The following HIP1R variants were observed in gnomAD, a reference collection of about 807,000 sequenced individuals.
HIP1R encodes the protein huntingtin interacting protein 1 related.
HIP1R carries 135 observed loss-of-function variants against 144.2 expected under a neutral mutation model. The observed-to-expected ratio is 0.94, with a 90% CI of 0.81 to 1.08. The LOEUF (loss-of-function observed/expected upper bound fraction) is 1.08, where lower values mean the gene tolerates loss of function less well. HIP1R is among the 50% of genes least tolerant of loss of function. The probability of loss-of-function intolerance (pLI) is 0.00; values close to 1 mark genes in which losing one functional copy is unlikely to be tolerated. For synonymous variants in HIP1R, 698 were observed against 612.8 expected, an observed-to-expected ratio of 1.14 and a Z score of -2.05; for missense variants, 1,462 against 1,432.8, an observed-to-expected ratio of 1.02 and a Z score of -0.33.
In HIP1R at chr12:122,855,879, T is replaced by A. The variant is rs1235394716; in HGVS notation, c.1104T>A (p.Ser368=). 1 of 1,557,916 alleles carries A rather than the reference T, an allele frequency of 6.4e-7. No homozygotes were observed. The highest frequency in any genetic ancestry group is 8.7e-7 in the Non-Finnish European group (1 of 1,149,834). Residue 368 remains serine, a synonymous_variant, in exon 13 of 32, where the codon TCT becomes TCA. Coordinates refer to ENST00000253083, the MANE Select transcript of HIP1R (RefSeq NM_003959.3). ...AGAGAGAGGTGGAAATGCTCCGCTC[T>A]GAACTGGAGAAGATCAAGCTGGAGG... ...SLKREVEMLR[S]ELEKIKLEAQ... is the part of the protein sequence containing the mutation.
At chr12:122,857,407 CT>C in intron 18 of HIP1R, 192 bp downstream of exon 18, 1 of 634,644 alleles carries the variant, frequency 1.6e-6, no homozygotes, top group Non-Finnish European at 2.8e-6. Flanking sequence ...GTGTCATTAC[CT>C]CATTCCTTTT....
chr12:122,847,902 C>T (rs1468109658), intron 1 of HIP1R, 129 bp from the exon 2 acceptor site: 6 of 728,112 alleles, frequency 8.2e-6, no homozygotes, highest in African/African-American at 5.3e-5. Flanking sequence ...GGATTCCTGT[C>T]TCCCCCATCG....
chr12:122,855,269 C>T lies in HIP1R; in HGVS notation c.857C>T (p.Pro286Leu). 1 of 1,612,810 alleles carries T rather than the reference C, an allele frequency of 6.2e-7. No individual in the cohort carries two copies. Among genetic ancestry groups the T allele is most frequent in the Non-Finnish European group, 8.5e-7 (1 of 1,179,914 alleles). Reference sequence around the variant, plus strand: ...TCCCACCTGCCGCCCCTGCAGGGACCCCCTAACTTCCTGCGGGCCTCAGCC... The same window carrying T: ...TCCCACCTGCCGCCCCTGCAGGGACTCCCTAACTTCCTGCGGGCCTCAGCC... ...LIQIPRLPEG[P>L]PNFLRASALA... Residue 286 changes from proline to leucine, a missense_variant, in exon 11 of 32, where the codon CCC becomes CTC. Physicochemically the swap from Pro to Leu is moderately conservative, Grantham distance 98. Coordinates refer to ENST00000253083, the MANE Select transcript of HIP1R (RefSeq NM_003959.3).
At position 122,861,728 on chromosome 12, in the gene HIP1R, A is replaced by G; in HGVS notation, c.3182A>G (p.Tyr1061Cys). The G allele has an allele frequency of 6.2e-7, 1 of 1,614,080 alleles. No homozygotes were observed. Among genetic ancestry groups the G allele is most frequent in the Non-Finnish European group, 8.5e-7 (1 of 1,180,010 alleles). The change falls in exon 32 of 32, where the codon TAC becomes TGC. Residue 1061 changes from tyrosine (Y) to cysteine (C), a missense_variant. Tyr to Cys is a radical substitution (Grantham distance 194). Around this residue, in one of 2 missense-constraint regions of HIP1R, gnomAD observed 1,112 missense variants for 1,011.7 expected, o/e 1.10. Coordinates refer to ENST00000253083, the MANE Select transcript of HIP1R (RefSeq NM_003959.3). ...CAGCTTGACAAAAAGGATGGCATCTACCCAGCTCAACTCGTGAACTACTAG... is the reference window on the plus strand; with the variant it reads ...CAGCTTGACAAAAAGGATGGCATCTGCCCAGCTCAACTCGTGAACTACTAG... ...DHQLDKKDGIYPAQLVNY is the reference protein window; with the variant it reads ...DHQLDKKDGICPAQLVNY
At position 122,856,673 on chromosome 12, in the gene HIP1R, G is replaced by A. The variant is rs530327463; in HGVS notation, c.1567G>A (p.Ala523Thr). 8.7e-6 allele frequency: 14 copies of A among 1,602,256 alleles called. No individual in the cohort carries two copies. Among genetic ancestry groups the A allele is most frequent in the East Asian group, 2.2e-5 (1 of 44,526 alleles). The change falls in exon 17 of 32, where the codon GCC becomes ACC. Residue 523 changes from alanine (A) to threonine (T), a missense_variant. By Grantham distance (58) the Ala-to-Thr change is moderately conservative (BLOSUM62 0). This residue lies in a region of HIP1R where 1,112 missense variants were observed against 1,011.7 expected (regional missense o/e 1.10). Coordinates refer to ENST00000253083, the MANE Select transcript of HIP1R (RefSeq NM_003959.3). ...GGAGAAGCTCAAGAGGGAGCTGGAG[G>A]CCAAGGCCGGAGAGCTGGCCCGCGC... is the stretch of plus-strand genomic sequence containing the variant. ...QLEKLKRELEAKAGELARAQE... is the reference protein window; with the variant it reads ...QLEKLKRELETKAGELARAQE...
At chr12:122,852,386 C>T (rs1027418354) in intron 7 of HIP1R, among the ~76,000 whole-genome samples, 2 of 152,216 alleles carry the variant, frequency 1.3e-5, no homozygotes, top group African/African-American at 2.4e-5. Flanking sequence ...CTACCAGGCT[C>T]TGTGTCCTGG....
In HIP1R at chr12:122,860,094, C is replaced by CG. The variant is rs566335645; in HGVS notation, c.2496+24dup. On this transcript the variant is annotated intron_variant, in intron 25 of 31. Coordinates refer to ENST00000253083, the MANE Select transcript of HIP1R (RefSeq NM_003959.3). ...CTGATGAAGGTGAGGGGCTGTGACC[C>CG]GGGGGGGTCTGCACCTGGAGGGCCA... 489 of 1,578,500 alleles carry CG rather than the reference C, an allele frequency of 3.1e-4. 1 individual carries two copies. The African/African-American group carries it at 5.6e-3, about 18-fold the overall frequency.
Position 122,855,387 on chromosome 12 carries a change from C to T in HIP1R, c.975C>T (p.Pro325=). Residue 325 remains proline (P), a synonymous_variant, in exon 11 of 32, where the codon CCC becomes CCT. Transcript: ENST00000253083. Reference sequence around the variant, plus strand: ...ATCTCATTGAGATCAGCACAGGGCCCCCCGCGGGGGAGCCAGTGGTGAGCC... The same window carrying T: ...ATCTCATTGAGATCAGCACAGGGCCTCCCGCGGGGGAGCCAGTGGTGAGCC... ...PENLIEISTG[P]PAGEPVVVAD... 1 of 1,575,794 alleles carries T rather than the reference C, an allele frequency of 6.3e-7. No homozygotes were observed. The highest frequency in any genetic ancestry group is 8.6e-7 in the Non-Finnish European group (1 of 1,162,142).
At position 122,855,626 on chromosome 12, in the gene HIP1R, G is replaced by A. The variant is rs376725350; in HGVS notation, c.1055+14G>A. On this transcript the variant is annotated intron_variant, in intron 12 of 31. Coordinates refer to ENST00000253083, the MANE Select transcript of HIP1R (RefSeq NM_003959.3). Reference sequence around the variant, plus strand: ...GAAGGACGACAGGTGAGGGCTGGAGGAGCCGACTGGGCTGGGGGTGGTTGG... The same window carrying A: ...GAAGGACGACAGGTGAGGGCTGGAGAAGCCGACTGGGCTGGGGGTGGTTGG... 316 of 1,549,944 alleles carry A rather than the reference G, an allele frequency of 2.0e-4. No homozygotes were observed. Among genetic ancestry groups the A allele is most frequent in the Non-Finnish European group, 2.6e-4 (302 of 1,146,894 alleles).
chr12:122,851,780 G>A (rs2033405977), intron 7 of HIP1R, among the ~76,000 whole-genome samples: 1 of 152,104 alleles, frequency 6.6e-6, no homozygotes, highest in Non-Finnish European at 1.5e-5. Flanking sequence ...TCCAAAGCAT[G>A]GCAGGCCCCA....
chr12:122,835,126 G>C (rs1268979365), upstream of HIP1R: 1 of 767,980 alleles, frequency 1.3e-6, no homozygotes, highest in Non-Finnish European at 1.9e-6. Context: ...TTAGGGAGGG[G>C]ATTAGAGGTG....
At position 122,856,435 on chromosome 12, in the gene HIP1R, G is replaced by A. The variant is rs1593884191; in HGVS notation, c.1405G>A (p.Ala469Thr). The A allele has an allele frequency of 9.4e-6, 15 of 1,595,446 alleles. No individual in the cohort carries two copies. Among genetic ancestry groups the A allele is most frequent in the Middle Eastern group, 1.7e-4 (1 of 6,058 alleles). Residue 469 changes from alanine (A) to threonine (T), a missense_variant, in exon 16 of 32, where the codon GCG becomes ACG. Coordinates refer to ENST00000253083, the MANE Select transcript of HIP1R (RefSeq NM_003959.3). The stretch of plus-strand genomic sequence containing the variant: ...AGCCCTTCCCCTGCCCATGCAGAAC[G>A]CGGACACAGCCAAGCAGCTGACGGT... Reference protein sequence around the residue: ...HVHAELLRKNADTAKQLTVTQ... With the variant: ...HVHAELLRKNTDTAKQLTVTQ...
At chr12:122,859,329 C>A in intron 22 of HIP1R, 97 bp from the exon 23 acceptor site, 1 of 1,462,646 alleles carries the variant, frequency 6.8e-7, no homozygotes, top group Non-Finnish European at 9.5e-7. Context: ...GGACCATGCA[C>A]CCTCCTCGAT....
At chr12:122,851,793 G>A (rs535585609) in intron 7 of HIP1R, among the ~76,000 whole-genome samples, 11 of 152,272 alleles carry the variant, frequency 7.2e-5, no homozygotes, top group African/African-American at 1.7e-4. Context: ...AGGCCCCAGC[G>A]GGTACATCCA....
intron 30 of HIP1R, 32 bp from the exon 31 acceptor site, chr12:122,861,276 T>C: frequency 6.2e-7 from 1 of 1,613,342 alleles, no homozygotes; most frequent in Non-Finnish European, 8.5e-7. Context: ...CTGGGGAGGC[T>C]GGGCTGGGCT....
chr12:122,843,690 C>T (rs972181291), intron 1 of HIP1R, among the ~76,000 whole-genome samples: 5 of 152,010 alleles, frequency 3.3e-5, no homozygotes, highest in Non-Finnish European at 5.9e-5. Flanking sequence ...GCCCCTGGGG[C>T]GTGGGTGTGG....
At position 122,840,576 on chromosome 12, in the gene HIP1R, G is replaced by T. The variant is rs978966947; in HGVS notation, c.93+4933G>T. Reference sequence around the variant, plus strand: ...CTGGTGTGTAGTGAATGCCGTGTAAGTGTTGGCTGTTATGTTGTGTTCAGA... The same window carrying T: ...CTGGTGTGTAGTGAATGCCGTGTAATTGTTGGCTGTTATGTTGTGTTCAGA... On this transcript the variant is annotated intron_variant, in intron 1 of 31. Transcript: ENST00000253083. The surrounding 1 kb of genome is among the most constrained non-coding windows in gnomAD (Gnocchi z 4.2). Among the ~76,000 whole-genome samples the T allele has an allele frequency of 6.6e-6, 1 of 152,216 alleles. No homozygotes were observed. Among genetic ancestry groups the T allele is most frequent in the Non-Finnish European group, 1.5e-5 (1 of 68,034 alleles).
chr12:122,860,250 C>A, intron 26 of HIP1R, 40 bp downstream of exon 26: 1 of 1,534,928 alleles, frequency 6.5e-7, no homozygotes. Flanking sequence ...CCACAAGGAG[C>A]CTGACCCCCA....
At chr12:122,854,854 G>C in intron 8 of HIP1R, 51 bp from the exon 9 acceptor site, 1 of 1,574,496 alleles carries the variant, frequency 6.4e-7, no homozygotes, top group Non-Finnish European at 8.7e-7. Context: ...GGGCAGGTGA[G>C]CCCCTGAGCA....
Sources: allele counts gnomAD v4.1 joint callset (sites outside exome capture counted in the v4.1 genomes callset), GRCh38; gene constraint gnomAD v4.1.1; regional missense constraint gnomAD v4.1.1; non-coding constraint Gnocchi (gnomAD v3.1); transcripts MANE v1.5; gene names NCBI Gene and HGNC (gene_info 2026-07-23, HGNC 2026-07-21).